Variants in GADL1 observed in about 807,000 individuals in gnomAD.
GADL1 encodes the protein acidic amino acid decarboxylase GADL1.
In GADL1, 71 loss-of-function variants were observed where a neutral mutation model predicts 69.5. The observed-to-expected ratio is 1.02, with a 90% CI of 0.84 to 1.25. The LOEUF (loss-of-function observed/expected upper bound fraction) is 1.25, where lower values mean the gene tolerates loss of function less well. Ranked by LOEUF, GADL1 falls within the 50% of genes most tolerant of loss-of-function variation. The pLI is 0.00. For missense variants in GADL1, 737 were observed against 631.8 expected (o/e 1.17, Z -1.79); for synonymous variants, 254 against 214.4 (o/e 1.18, Z -1.62).
intron 13 of GADL1, chr3:30,779,163 T>C (rs924041759): frequency 1.3e-5 from 2 of 152,206 alleles, no homozygotes; most frequent in African/African-American, 2.4e-5. Flanking sequence ...GACAAAAACA[T>C]AGGAAATGCG....
chr3:30,789,591 C>T (rs772420340), intron 12 of GADL1, among the ~76,000 whole-genome samples: 12 of 152,206 alleles, frequency 7.9e-5, no homozygotes, highest in Non-Finnish European at 1.5e-4. Context: ...TCATAGGTGG[C>T]AGCTTCTTCC....
intron 11 of GADL1, among the ~76,000 whole-genome samples, chr3:30,804,733 G>A (rs544675683): frequency 5.3e-5 from 8 of 152,284 alleles, no homozygotes; most frequent in East Asian, 1.9e-4. Context: ...AAGTGAATCC[G>A]GTTATACTGA....
intron 10 of GADL1, 61 bp from the exon 11 acceptor site, chr3:30,833,995 G>GA: frequency 8.7e-7 from 1 of 1,144,184 alleles, no homozygotes; most frequent in South Asian, 1.2e-5. Context: ...ACAGGCAATG[G>GA]AATACTATCA....
At chr3:30,827,752 C>G (rs1697706798) in intron 11 of GADL1, among the ~76,000 whole-genome samples, 1 of 151,838 alleles carries the variant, frequency 6.6e-6, no homozygotes, top group Admixed American at 6.6e-5. Context: ...ATTTATCAAT[C>G]AGGAATTGAA....
chr3:30,849,959 C>T (rs1293023695), intron 6 of GADL1, 37 bp downstream of exon 6: 1 of 1,249,666 alleles, frequency 8.0e-7, no homozygotes, highest in African/African-American at 1.5e-5. Flanking sequence ...TATGCTTTCT[C>T]AGAAAATCTA....
intron 1 of GADL1, among the ~76,000 whole-genome samples, chr3:30,891,510 C>T (rs1298161506): frequency 1.3e-5 from 2 of 152,244 alleles, no homozygotes; most frequent in East Asian, 3.9e-4. Context: ...TGTTCCAGGT[C>T]ACTGGCCCAT....
intron 14 of GADL1, among the ~76,000 whole-genome samples, chr3:30,731,159 T>A (rs915286834): frequency 6.6e-6 from 1 of 152,148 alleles, no homozygotes; most frequent in Non-Finnish European, 1.5e-5. Flanking sequence ...GACTATCAGT[T>A]TTAGAGCTTA....
intron 14 of GADL1, among the ~76,000 whole-genome samples, chr3:30,744,893 G>A (rs6550011): frequency 0.29 from 43,905 of 152,078 alleles, 6,501 homozygotes; most frequent in African/African-American, 0.31. Context: ...TGTTTTGCCT[G>A]TAGGCTGACC....
At chr3:30,817,117 T>C (rs151219499) in intron 11 of GADL1, among the ~76,000 whole-genome samples, 188 of 152,264 alleles carry the variant, frequency 1.2e-3, no homozygotes, top group African/African-American at 4.2e-3. Flanking sequence ...AGAGACAATA[T>C]GTCTTCTCTA....
Position 30,894,566 on chromosome 3 carries a change from C to T in GADL1, c.37+12G>A. 1 of 1,548,428 alleles carries T rather than the reference C, an allele frequency of 6.5e-7. No individual in the cohort carries two copies. The highest frequency in any genetic ancestry group is 8.7e-7 in the Non-Finnish European group (1 of 1,145,114). ...GTTAAGGACAAAAACCGCAGCCGCG[C>T]TGAGTCGTTACCGTCCACAGGACAC... On this transcript the variant is annotated intron_variant, in intron 1 of 14. Coordinates refer to ENST00000282538, the MANE Select transcript of GADL1 (RefSeq NM_207359.3).
rs2125476372 is a variant in GADL1 at position 30,748,838 on chromosome 3, A to AATTG, written c.1393-20424_1393-20423insCAAT. Among the ~76,000 whole-genome samples, 3 of 152,246 alleles carry AATTG rather than the reference A, an allele frequency of 2.0e-5. No individual in the cohort carries two copies. The South Asian group carries it at 6.2e-4, about 32-fold the overall frequency. ...TTCTTCTATATAAAACTGTGTCCTCAATTTATTTATTTATTTATTGAACTT... is the reference window on the plus strand; with the variant it reads ...TTCTTCTATATAAAACTGTGTCCTCAATTGATTTATTTATTTATTTATTGAACTT... On this transcript the variant is annotated intron_variant, in intron 14 of 14. Transcript: ENST00000282538.
chr3:30,837,325 C>T (rs1400958278), intron 9 of GADL1, among the ~76,000 whole-genome samples: 1 of 152,080 alleles, frequency 6.6e-6, no homozygotes, highest in African/African-American at 2.4e-5. Context: ...ATTGATTTGA[C>T]ACCCACAATA....
At chr3:30,868,882 T>C (rs537937404) in intron 1 of GADL1, among the ~76,000 whole-genome samples, 53 of 151,890 alleles carry the variant, frequency 3.5e-4, no homozygotes, top group African/African-American at 1.2e-3. Context: ...AGACATCTGG[T>C]TGGGGGAGGC....
chr3:30,889,084 T>TAAAAAAAAAA lies in GADL1; in HGVS notation c.37+5484_37+5493dup, dbSNP rs60227313. ...GAAATACCGAAGACTCGGTAATCTA[T>TAAAAAAAAAA]AAAAAAAAAAAAAAAAAAAAAAAAA... On this transcript the variant is annotated intron_variant, in intron 1 of 14. Transcript: ENST00000282538. Among the ~76,000 whole-genome samples the TAAAAAAAAAA allele has an allele frequency of 5.4e-3, 178 of 32,904 alleles. 34 individuals carry two copies. Among genetic ancestry groups the TAAAAAAAAAA allele is most frequent in the Non-Finnish European group, 7.1e-3 (106 of 14,830 alleles). 21.6% of individuals were successfully genotyped at this position (32,904 alleles called of 152,430 possible).
chr3:30,773,044 T>A (rs930822392), intron 14 of GADL1, among the ~76,000 whole-genome samples: 2 of 152,256 alleles, frequency 1.3e-5, no homozygotes, highest in Middle Eastern at 3.4e-3. Flanking sequence ...AGGAATGACA[T>A]ATTGGACACA....
intron 5 of GADL1, 66 bp downstream of exon 5, chr3:30,850,769 T>A: frequency 1.1e-6 from 1 of 892,508 alleles, no homozygotes; most frequent in South Asian, 1.5e-5. Context: ...CAAGGAGTTG[T>A]TCCTCATGGA....
intron 11 of GADL1, among the ~76,000 whole-genome samples, chr3:30,808,007 G>A (rs1411495309): frequency 6.6e-6 from 1 of 152,162 alleles, no homozygotes; most frequent in Non-Finnish European, 1.5e-5. Context: ...ACTCCAGCCT[G>A]GGCAACAGAG....
At chr3:30,826,515 T>C (rs1193889447) in intron 11 of GADL1, among the ~76,000 whole-genome samples, 1 of 151,898 alleles carries the variant, frequency 6.6e-6, no homozygotes, top group Non-Finnish European at 1.5e-5. Flanking sequence ...CCAACTCATC[T>C]AAGCCAAACT....
At chr3:30,765,612 T>G (rs180980986) in intron 14 of GADL1, among the ~76,000 whole-genome samples, 18 of 152,346 alleles carry the variant, frequency 1.2e-4, no homozygotes, top group Admixed American at 1.1e-3. Context: ...AAGGGCATGC[T>G]TGGTTTAATG....
Sources: gnomAD v4.1 joint callset for allele counts (sites outside exome capture counted in the v4.1 genomes callset) on GRCh38, gnomAD v4.1.1 for gene constraint, MANE v1.5 for transcripts, NCBI Gene and HGNC (gene_info 2026-07-23, HGNC 2026-07-21) for gene names.